The following CDH1 variants were observed in gnomAD, a reference collection of about 807,000 sequenced individuals.
CDH1 encodes the protein cadherin 1, also known as cadherin-1.
CDH1 carries 35 observed loss-of-function variants against 84.5 expected under a neutral mutation model. That is an observed-to-expected ratio of 0.41 (90% CI 0.32 to 0.55). The LOEUF (loss-of-function observed/expected upper bound fraction) is 0.55. Ranked by LOEUF, CDH1 falls within the 20% of genes least tolerant of loss-of-function variation. The pLI is 0.19. For synonymous variants in CDH1, 417 were observed against 439.0 expected, an observed-to-expected ratio of 0.95 and a Z score of 0.63; for missense variants, 994 against 1,126.6, an observed-to-expected ratio of 0.88 and a Z score of 1.68.
intron 10 of CDH1, among the ~76,000 whole-genome samples, chr16:68,816,626 G>C (rs1334177518): frequency 6.6e-6 from 1 of 152,172 alleles, no homozygotes; most frequent in African/African-American, 2.4e-5. Context: ...GTACACACCT[G>C]TAATCCCAGC....
At chr16:68,813,972 C>G (rs956790364) in intron 9 of CDH1, among the ~76,000 whole-genome samples, 5 of 151,962 alleles carry the variant, frequency 3.3e-5, no homozygotes, top group African/African-American at 1.2e-4. Context: ...CGTGGTGGCT[C>G]ACGCCTGTAA....
intron 12 of CDH1, chr16:68,822,618 AG>A: frequency 2.3e-6 from 1 of 433,742 alleles, no homozygotes; most frequent in Non-Finnish European, 4.4e-6. Flanking sequence ...TATTCTACCG[AG>A]GTGGAGGCAG....
chr16:68,752,974 G>A (rs927249614), intron 2 of CDH1, among the ~76,000 whole-genome samples: 2 of 152,234 alleles, frequency 1.3e-5, no homozygotes, highest in South Asian at 2.1e-4. Flanking sequence ...TTCAAGAACC[G>A]ATGTCTGTTC....
At position 68,808,830 on chromosome 16, in the gene CDH1, A is replaced by G. The variant is rs2152130290; in HGVS notation, c.669A>G (p.Glu223=). 6.2e-7 allele frequency: 1 copy of G among 1,614,068 alleles called. No homozygotes were observed. The highest frequency in any genetic ancestry group is 8.5e-7 in the Non-Finnish European group (1 of 1,179,972). ...WLKVTEPLDR[E]RIATYTLFSH... ...AGGTGACAGAGCCTCTGGATAGAGAACGCATTGCCACATACACTGTAAGTA... is the reference window on the plus strand; with the variant it reads ...AGGTGACAGAGCCTCTGGATAGAGAGCGCATTGCCACATACACTGTAAGTA... The change falls in exon 5 of 16, where the codon GAA becomes GAG. Residue 223 remains glutamate, a synonymous_variant. Transcript: ENST00000261769.
chr16:68,823,992 CTT>C (rs889358029), intron 13 of CDH1, among the ~76,000 whole-genome samples: 6 of 99,910 alleles, frequency 6.0e-5, no homozygotes, highest in Admixed American at 1.1e-4. Flanking sequence ...TTCTGCATTT[CTT>C]TTTTTTTTTT....
At chr16:68,818,560 G>T (rs1184511818) in intron 10 of CDH1, among the ~76,000 whole-genome samples, 1 of 146,064 alleles carries the variant, frequency 6.8e-6, no homozygotes, top group Non-Finnish European at 1.5e-5. Context: ...TTTAAAGACG[G>T]AGTTTCGGCC....
intron 15 of CDH1, 84 bp downstream of exon 15, chr16:68,829,881 T>C (rs1961437286): frequency 2.9e-6 from 4 of 1,372,322 alleles, no homozygotes; most frequent in South Asian, 1.2e-5. Context: ...AAAGAGTCTT[T>C]AGATTCTTTC....
At position 68,833,485 on chromosome 16, in the gene CDH1, G is replaced by A. The variant is rs200911775; in HGVS notation, c.2635G>A (p.Gly879Ser). ...GAAGCTGGCTGACATGTACGGAGGC[G>A]GCGAGGACGACTAGGGGACTCGAGA... ...FKKLADMYGG[G>S]EDD Residue 879 changes from glycine (G) to serine (S), a missense_variant, in exon 16 of 16, where the codon GGC becomes AGC. This residue lies in a region of CDH1 where 769 missense variants were observed against 881.8 expected (regional missense o/e 0.87). Coordinates refer to ENST00000261769, the MANE Select transcript of CDH1 (RefSeq NM_004360.5). 249 of 1,613,666 alleles carry A rather than the reference G, an allele frequency of 1.5e-4. No individual in the cohort carries two copies. The highest frequency in any genetic ancestry group is 1.9e-4 in the Non-Finnish European group (230 of 1,179,964).
At chr16:68,772,613 C>G (rs777435346) in intron 2 of CDH1, among the ~76,000 whole-genome samples, 4 of 152,078 alleles carry the variant, frequency 2.6e-5, no homozygotes, top group Non-Finnish European at 5.9e-5. Context: ...CTCAAAATCA[C>G]CACACTATGT....
chr16:68,758,207 C>CTTT lies in CDH1; in HGVS notation c.163+19821_163+19823dup, dbSNP rs57413297. Among the ~76,000 whole-genome samples, 38 of 40,046 alleles carry CTTT rather than the reference C, an allele frequency of 9.5e-4. 3 individuals carry two copies. The highest frequency in any genetic ancestry group is 2.8e-3 in the African/African-American group (27 of 9,558). The allele number at this position is 40,046 out of a possible 152,430, so 26.3% of individuals were successfully genotyped here. ...GCCTAGGGTAGGCTTCTTTTTATTT[C>CTTT]TTTTTTTTTTTTTTTTTTTTTTTTT... On this transcript the variant is annotated intron_variant, in intron 2 of 15. Transcript: ENST00000261769.
chr16:68,738,187 C>G (rs1260533626), intron 1 of CDH1, 110 bp from the exon 2 acceptor site: 1 of 725,846 alleles, frequency 1.4e-6, no homozygotes. Context: ...GGCTGGGGTC[C>G]TCCCCCAATC....
rs376854556 is a variant in CDH1 at position 68,823,536 on chromosome 16, G to A, written c.2074G>A (p.Ala692Thr). The A allele has an allele frequency of 1.5e-5, 25 of 1,613,844 alleles. No individual in the cohort carries two copies. Among genetic ancestry groups the A allele is most frequent in the South Asian group, 1.1e-4 (10 of 91,072 alleles). The change falls in exon 13 of 16, where the codon GCT becomes ACT. Residue 692 changes from alanine (A) to threonine (T), a missense_variant. Physicochemically the swap from Ala to Thr is moderately conservative, Grantham distance 58. This residue lies in a region of CDH1 where 769 missense variants were observed against 881.8 expected (regional missense o/e 0.87). Coordinates refer to ENST00000261769, the MANE Select transcript of CDH1 (RefSeq NM_004360.5). ...EVSVCDCEGA[A>T]GVCRKAQPVE... is the part of the protein sequence containing the mutation. The stretch of plus-strand genomic sequence containing the variant: ...CAGCGTGTGTGACTGTGAAGGGGCC[G>A]CTGGCGTCTGTAGGAAGGCACAGCC...
intron 2 of CDH1, among the ~76,000 whole-genome samples, chr16:68,791,902 G>T (rs554004551): frequency 1.1e-4 from 16 of 151,982 alleles, no homozygotes; most frequent in African/African-American, 3.9e-4. Flanking sequence ...AAGGAGGTGG[G>T]GACGTCTGCC....
In CDH1 at chr16:68,804,102, C is replaced by CTTTTT. The variant is rs10563852; in HGVS notation, c.387+2234_387+2238dup. The stretch of plus-strand genomic sequence containing the variant: ...ATTCATTACTTAGTTATCTGTCTGC[C>CTTTTT]TTTTTTTTTTTTTTTTTTTTTTTTT... On this transcript the variant is annotated intron_variant, in intron 3 of 15. Transcript: ENST00000261769. Among the ~76,000 whole-genome samples, 12 of 75,092 alleles carry CTTTTT rather than the reference C, an allele frequency of 1.6e-4. 1 individual carries two copies. Among genetic ancestry groups the CTTTTT allele is most frequent in the South Asian group, 5.0e-4 (1 of 1,990 alleles). 49.3% of individuals were successfully genotyped at this position (75,092 alleles called of 152,430 possible).
chr16:68,800,531 C>T (rs907825779), intron 2 of CDH1, among the ~76,000 whole-genome samples: 1 of 152,226 alleles, frequency 6.6e-6, no homozygotes, highest in East Asian at 1.9e-4. Flanking sequence ...CCTGATCCTC[C>T]TGTCTAGCCT....
At chr16:68,747,978 G>T (rs1962786896) in intron 2 of CDH1, among the ~76,000 whole-genome samples, 1 of 151,992 alleles carries the variant, frequency 6.6e-6, no homozygotes, top group South Asian at 2.1e-4. Context: ...TGGCCAGGCT[G>T]GTCTCAAACT....
At chr16:68,752,551 A>G (rs1962911548) in intron 2 of CDH1, among the ~76,000 whole-genome samples, 1 of 108,190 alleles carries the variant, frequency 9.2e-6, no homozygotes, top group Admixed American at 8.8e-5. Flanking sequence ...TACAGACAGG[A>G]CTAAACAGAT....
At chr16:68,809,326 C>T (rs1188995559) in intron 5 of CDH1, among the ~76,000 whole-genome samples, 1 of 151,562 alleles carries the variant, frequency 6.6e-6, no homozygotes, top group Non-Finnish European at 1.5e-5. Flanking sequence ...TTCAACCTCC[C>T]GAGTAGCTGG....
chr16:68,747,527 T>G (rs1292567052), intron 2 of CDH1, among the ~76,000 whole-genome samples: 1 of 152,140 alleles, frequency 6.6e-6, no homozygotes, highest in African/African-American at 2.4e-5. Flanking sequence ...GAAGTCTCCT[T>G]CCCACCCCAA....
Sources: gnomAD v4.1 joint callset for allele counts (sites outside exome capture counted in the v4.1 genomes callset) on GRCh38, gnomAD v4.1.1 for gene constraint, gnomAD v4.1.1 regional missense constraint, MANE v1.5 for transcripts, NCBI Gene and HGNC (gene_info 2026-07-23, HGNC 2026-07-21) for gene names.